The following ECE1 variants were observed in gnomAD, a reference collection of about 807,000 sequenced individuals.
ECE1 encodes endothelin-converting enzyme 1.
ECE1 carries 35 observed loss-of-function variants against 98.6 expected under a neutral mutation model. That is an observed-to-expected ratio of 0.35 (90% CI 0.27 to 0.47). The LOEUF is 0.47. Ranked by LOEUF, ECE1 falls within the 20% of genes least tolerant of loss-of-function variation. The pLI is 1.00. For synonymous variants in ECE1, 394 were observed against 407.1 expected (o/e 0.97, Z 0.39); for missense variants, 814 against 1,025.3 (o/e 0.79, Z 2.81).
chr1:21,344,141 G>A (rs1639452099), intron 1 of ECE1, among the ~76,000 whole-genome samples: 1 of 152,168 alleles, frequency 6.6e-6, no homozygotes, highest in African/African-American at 2.4e-5. Flanking sequence ...GAAGACCCTA[G>A]CTGGGTGAGA....
intron 1 of ECE1, among the ~76,000 whole-genome samples, chr1:21,304,020 TAA>T (rs35065663): frequency 1.4e-5 from 2 of 140,158 alleles, no homozygotes; most frequent in Admixed American, 7.1e-5. Flanking sequence ...CCATTTTCCT[TAA>T]AAAAAAAAAA....
chr1:21,221,872 G>T, intron 17 of ECE1, 30 bp from the exon 18 acceptor site: 1 of 1,604,556 alleles, frequency 6.2e-7, no homozygotes, highest in Non-Finnish European at 8.5e-7. Flanking sequence ...AAGCTCAGGG[G>T]TTCCCATGGC....
intron 2 of ECE1, among the ~76,000 whole-genome samples, chr1:21,287,420 G>A (rs750189398): frequency 7.9e-5 from 12 of 152,132 alleles, no homozygotes; most frequent in African/African-American, 1.2e-4. Context: ...CAGCTACTCC[G>A]GAGGCTGAGG....
At chr1:21,282,937 A>ATTT (rs536420247) in intron 2 of ECE1, among the ~76,000 whole-genome samples, 62 of 104,496 alleles carry the variant, frequency 5.9e-4, no homozygotes, top group Non-Finnish European at 9.3e-4. Flanking sequence ...TCACAACATT[A>ATTT]TTTTTTTTTT....
intron 1 of ECE1, among the ~76,000 whole-genome samples, chr1:21,344,182 G>A (rs954067676): frequency 1.3e-5 from 2 of 152,120 alleles, no homozygotes; most frequent in African/African-American, 4.8e-5. Context: ...ATGGGGGGGC[G>A]GGTTGTAAGG....
At chr1:21,253,944 C>T (rs2098216467) in intron 8 of ECE1, among the ~76,000 whole-genome samples, 1 of 151,546 alleles carries the variant, frequency 6.6e-6, no homozygotes, top group African/African-American at 2.4e-5. Context: ...TGGTGCCTGC[C>T]TGTAATTCCA....
intron 3 of ECE1, among the ~76,000 whole-genome samples, chr1:21,277,399 G>C (rs937095488): frequency 7.9e-5 from 12 of 152,384 alleles, no homozygotes; most frequent in African/African-American, 2.9e-4. Flanking sequence ...AACACTGGCT[G>C]CCGGAGTCTG....
upstream of ECE1, among the ~76,000 whole-genome samples, chr1:21,292,128 C>T (rs1400468207): frequency 1.3e-5 from 2 of 151,910 alleles, no homozygotes; most frequent in South Asian, 2.1e-4. Context: ...TGCACTCCAG[C>T]GTGGACGACA....
intron 1 of ECE1, among the ~76,000 whole-genome samples, chr1:21,341,046 C>T (rs988970899): frequency 6.6e-6 from 1 of 151,962 alleles, no homozygotes; most frequent in African/African-American, 2.4e-5. Flanking sequence ...CCCCCGCCCC[C>T]CAACACTCTT....
chr1:21,332,839 G>A, intron 1 of ECE1, among the ~76,000 whole-genome samples: 1 of 137,612 alleles, frequency 7.3e-6, no homozygotes, highest in Admixed American at 7.5e-5. Context: ...GGGAACACAG[G>A]ATGGGGGTGG....
chr1:21,284,197 G>A (rs2098258159), intron 2 of ECE1, among the ~76,000 whole-genome samples: 1 of 152,238 alleles, frequency 6.6e-6, no homozygotes, highest in Non-Finnish European at 1.5e-5. Flanking sequence ...TGAGGTCACA[G>A]CATGGGGAGA....
At chr1:21,273,002 T>C (rs1413310590) in intron 3 of ECE1, 91 bp from the exon 4 acceptor site, 1 of 1,392,974 alleles carries the variant, frequency 7.2e-7, no homozygotes, top group Non-Finnish European at 1.0e-6. Context: ...AGGGGCCACA[T>C]GTCCCACCCT....
chr1:21,233,478 G>A lies in ECE1; in HGVS notation c.1670+80C>T. 1 of 1,267,176 alleles carries A rather than the reference G, an allele frequency of 7.9e-7. No homozygotes were observed. Among genetic ancestry groups the A allele is most frequent in the South Asian group, 1.2e-5 (1 of 82,416 alleles). The allele number at this position is 1,267,176 out of a possible 1,614,324, so 78.5% of individuals were successfully genotyped here. The stretch of plus-strand genomic sequence containing the variant: ...AGCTGATCGGGTGCACAGTGAGGGT[G>A]CAATGAAGGCCAGTTCGTCCCAAGG... On this transcript the variant is annotated intron_variant, in intron 14 of 18. Transcript: ENST00000374893. This position sits in a 1 kb window ranked among gnomAD's most constrained non-coding sequence, Gnocchi z 4.0.
At chr1:21,280,881 A>T (rs1261184980) in intron 2 of ECE1, among the ~76,000 whole-genome samples, 1 of 152,160 alleles carries the variant, frequency 6.6e-6, no homozygotes, top group Admixed American at 6.5e-5. Context: ...GAAAAAAAAA[A>T]ACTGGGTTCC....
chr1:21,268,282 G>A (rs542005431), intron 4 of ECE1, among the ~76,000 whole-genome samples: 1 of 152,356 alleles, frequency 6.6e-6, no homozygotes, highest in African/African-American at 2.4e-5. Context: ...GGGCCTGGCT[G>A]CTTCCTTCCT....
chr1:21,265,306 T>G (rs1394060613), intron 4 of ECE1, among the ~76,000 whole-genome samples: 1 of 152,034 alleles, frequency 6.6e-6, no homozygotes, highest in Non-Finnish European at 1.5e-5. Context: ...CCAAGGTGGG[T>G]GGATCACTTG....
intron 8 of ECE1, among the ~76,000 whole-genome samples, chr1:21,254,317 T>C (rs187213439): frequency 1.6e-4 from 24 of 152,150 alleles, no homozygotes; most frequent in Admixed American, 7.9e-4. Flanking sequence ...TGGCCAGGCG[T>C]GGTGGCTCAT....
intron 8 of ECE1, among the ~76,000 whole-genome samples, chr1:21,249,939 A>ATTTTT (rs71014176): frequency 0.036 from 4,807 of 134,652 alleles, 287 homozygotes; most frequent in African/African-American, 0.12. Context: ...ACCTTGGCTA[A>ATTTTT]TTTTTTTTTT....
At chr1:21,231,713 G>C (rs989319249) in intron 14 of ECE1, among the ~76,000 whole-genome samples, 13 of 152,186 alleles carry the variant, frequency 8.5e-5, no homozygotes, top group African/African-American at 2.9e-4. Context: ...GGAGTGCAGT[G>C]GTACAACTGT....
Sources: allele counts gnomAD v4.1 joint callset (sites outside exome capture counted in the v4.1 genomes callset), GRCh38; gene constraint gnomAD v4.1.1; non-coding constraint Gnocchi (gnomAD v3.1); transcripts MANE v1.5; gene names NCBI Gene and HGNC (gene_info 2026-07-23, HGNC 2026-07-21).